Variants in HPSE2 observed in about 807,000 individuals in gnomAD.
The protein encoded by HPSE2 is heparanase 2 (inactive).
HPSE2 carries 38 observed loss-of-function variants against 60.5 expected under a neutral mutation model. The observed-to-expected ratio is 0.63, with a 90% CI of 0.48 to 0.82. The LOEUF (loss-of-function observed/expected upper bound fraction) is 0.82, where lower values mean the gene tolerates loss of function less well. HPSE2 is among the 40% of genes least tolerant of loss of function. The pLI, the probability that HPSE2 is intolerant of heterozygous loss-of-function variation, is 0.00. For missense variants in HPSE2, 713 were observed against 740.4 expected (o/e 0.96, Z 0.43); for synonymous variants, 295 against 293.2 (o/e 1.01, Z -0.06).
rs1190899160 is a variant in HPSE2, at chr10:98,840,863, A to G, written c.611-96807T>C. Among the ~76,000 whole-genome samples, 3 of 152,190 alleles carry G rather than the reference A, an allele frequency of 2.0e-5. No individual in the cohort carries two copies. In the East Asian group the frequency reaches 5.8e-4, roughly 29 times the overall value. On this transcript the variant is annotated intron_variant, in intron 3 of 11. Coordinates refer to ENST00000370552, the MANE Select transcript of HPSE2 (RefSeq NM_021828.5). The stretch of plus-strand genomic sequence containing the variant: ...AAGGACTGTCACTTTTAGAGAGAAA[A>G]AAGTTTTAATTTACCATACACAGCA...
At chr10:98,643,629 C>T (rs927907851) in intron 6 of HPSE2, among the ~76,000 whole-genome samples, 1 of 152,108 alleles carries the variant, frequency 6.6e-6, no homozygotes, top group African/African-American at 2.4e-5. Context: ...ATCTCATAAC[C>T]TGTTCATAGT....
At chr10:98,859,683 T>C (rs1309988717) in intron 3 of HPSE2, among the ~76,000 whole-genome samples, 1 of 152,078 alleles carries the variant, frequency 6.6e-6, no homozygotes, top group Non-Finnish European at 1.5e-5. Flanking sequence ...AAGTTAATCA[T>C]AGCCACCTCT....
chr10:99,260,798 T>A, the HPSE2 span, among the ~76,000 whole-genome samples: 1 of 152,156 alleles, frequency 6.6e-6, no homozygotes, highest in African/African-American at 2.4e-5. Context: ...CTTCTCCGTG[T>A]CTCTGCCTTT....
intron 6 of HPSE2, among the ~76,000 whole-genome samples, chr10:98,655,694 T>G (rs1324502294): frequency 6.6e-6 from 1 of 152,242 alleles, no homozygotes. Flanking sequence ...TCATCATGCA[T>G]GTCAACACTG....
chr10:99,164,304 T>G (rs1846978705), intron 2 of HPSE2, among the ~76,000 whole-genome samples: 1 of 141,146 alleles, frequency 7.1e-6, no homozygotes, highest in Non-Finnish European at 1.5e-5. Flanking sequence ...TGTTATTTTA[T>G]TAAGCCACAT....
At chr10:98,516,554 C>T (rs1314323592) in intron 9 of HPSE2, among the ~76,000 whole-genome samples, 1 of 152,204 alleles carries the variant, frequency 6.6e-6, no homozygotes, top group African/African-American at 2.4e-5. Context: ...CTTAAAAATT[C>T]AGAGCCACTA....
chr10:99,063,520 A>C (rs865874559), intron 3 of HPSE2, among the ~76,000 whole-genome samples: 1 of 152,202 alleles, frequency 6.6e-6, no homozygotes, highest in Non-Finnish European at 1.5e-5. Flanking sequence ...TTCACAGTTG[A>C]AAAGAGTGTA....
At chr10:99,263,902 G>C in the HPSE2 span, among the ~76,000 whole-genome samples, 1 of 151,964 alleles carries the variant, frequency 6.6e-6, no homozygotes, top group African/African-American at 2.4e-5. Context: ...TCTTGGAGTG[G>C]AGAGATGATC....
intron 9 of HPSE2, among the ~76,000 whole-genome samples, chr10:98,516,626 A>G (rs1464798975): frequency 6.6e-6 from 1 of 152,188 alleles, no homozygotes; most frequent in Non-Finnish European, 1.5e-5. Flanking sequence ...TGTGAGAATT[A>G]CTAAACCAGG....
chr10:98,901,335 T>C (rs1307737307), intron 3 of HPSE2, among the ~76,000 whole-genome samples: 1 of 152,214 alleles, frequency 6.6e-6, no homozygotes, highest in Non-Finnish European at 1.5e-5. Context: ...GGGTACATTT[T>C]ATTGTGTGTT....
intron 3 of HPSE2, among the ~76,000 whole-genome samples, chr10:99,112,116 C>T (rs1844485447): frequency 1.3e-5 from 2 of 152,154 alleles, no homozygotes; most frequent in Non-Finnish European, 2.9e-5. Flanking sequence ...CTGAGGGTTG[C>T]CCCAGAATAC....
At chr10:99,240,348 C>CTTTGTAGCATATA (rs1025862497), upstream of HPSE2, among the ~76,000 whole-genome samples, 4 of 150,822 alleles carry the variant, frequency 2.7e-5, no homozygotes, top group Non-Finnish European at 4.4e-5. Context: ...CCAAATTCTA[C>CTTTGTAGCATATA]TTTGTAGCAT....
chr10:99,072,913 G>C (rs1438661147), intron 3 of HPSE2, among the ~76,000 whole-genome samples: 1 of 119,796 alleles, frequency 8.3e-6, no homozygotes, highest in Non-Finnish European at 1.6e-5. Flanking sequence ...TGGTGACAGA[G>C]CCAGGCTCCG....
intron 3 of HPSE2, among the ~76,000 whole-genome samples, chr10:99,040,002 G>C (rs1957701004): frequency 6.6e-6 from 1 of 152,130 alleles, no homozygotes; most frequent in East Asian, 1.9e-4. Flanking sequence ...GCTGTTGCCT[G>C]TATAATATTC....
chr10:98,688,500 G>C (rs1470107097), intron 6 of HPSE2, among the ~76,000 whole-genome samples: 1 of 72,420 alleles, frequency 1.4e-5, no homozygotes, highest in African/African-American at 4.9e-5. Context: ...TTTTGAGGCA[G>C]AATCTTGCTC....
chr10:99,307,832 GCACA>G, the HPSE2 span, among the ~76,000 whole-genome samples: 49 of 134,422 alleles, frequency 3.6e-4, no homozygotes, highest in Non-Finnish European at 6.3e-4. Flanking sequence ...TAGTAAATGC[GCACA>G]CACACACACA....
chr10:99,289,385 G>A, the HPSE2 span, among the ~76,000 whole-genome samples: 5 of 151,982 alleles, frequency 3.3e-5, no homozygotes, highest in Middle Eastern at 3.4e-3. Flanking sequence ...TTCTTCGTTT[G>A]GTTGTAGTAA....
chr10:98,960,849 C>A (rs12767657), intron 3 of HPSE2, among the ~76,000 whole-genome samples: 108,697 of 143,958 alleles, frequency 0.76, 41,430 homozygotes, highest in East Asian at 0.85. Context: ...CTAATGAGTC[C>A]TCTAGCATTA....
intron 2 of HPSE2, among the ~76,000 whole-genome samples, chr10:99,169,795 G>A (rs11598003): frequency 6.6e-6 from 1 of 152,054 alleles, no homozygotes; most frequent in Non-Finnish European, 1.5e-5. Flanking sequence ...ATGTTCTCTA[G>A]AGCAGGGGTT....
Sources: allele counts gnomAD v4.1 joint callset (sites outside exome capture counted in the v4.1 genomes callset), GRCh38; gene constraint gnomAD v4.1.1; transcripts MANE v1.5; gene names NCBI Gene and HGNC (gene_info 2026-07-23, HGNC 2026-07-21).